RFX2: variants seen among roughly 807,000 people sequenced by gnomAD.
RFX2 encodes the protein DNA-binding protein RFX2.
A neutral mutation model predicts 87.8 loss-of-function variants in RFX2; 20 were observed. The observed-to-expected ratio is 0.23, with a 90% CI of 0.16 to 0.33. RFX2 has a LOEUF of 0.33. Among genes scored for constraint, RFX2 ranks in the 10% least tolerant of loss-of-function variants. RFX2 has a pLI of 1.00. For missense variants in RFX2, 767 were observed against 1,012.3 expected (o/e 0.76, Z 3.29); for synonymous variants, 397 against 431.3 (o/e 0.92, Z 0.98).
chr19:6,106,607 C>A (rs1030481626), intron 1 of RFX2, among the ~76,000 whole-genome samples: 3 of 151,962 alleles, frequency 2.0e-5, no homozygotes, highest in African/African-American at 7.3e-5. Context: ...ATGCCCTGGA[C>A]CCATAGTTTC....
At position 6,023,660 on chromosome 19, in the gene RFX2, G is replaced by A. The variant is rs1416437823; in HGVS notation, c.597+2503C>T. On this transcript the variant is annotated intron_variant, in intron 6 of 17. Coordinates refer to ENST00000303657, the MANE Select transcript of RFX2 (RefSeq NM_000635.4). The surrounding 1 kb of genome is among the most constrained non-coding windows in gnomAD (Gnocchi z 4.9). ...ACGAGAGATTTTACCTTCAGCTCGG[G>A]AATACGAATCTTCATCGGGGAAGCG... Among the ~76,000 whole-genome samples, 3 of 152,206 alleles carry A rather than the reference G, an allele frequency of 2.0e-5. No individual in the cohort carries two copies. The highest frequency in any genetic ancestry group is 4.4e-5 in the Non-Finnish European group (3 of 68,038).
chr19:6,104,289 G>C (rs550244252), intron 1 of RFX2, among the ~76,000 whole-genome samples: 41 of 152,102 alleles, frequency 2.7e-4, no homozygotes, highest in African/African-American at 9.9e-4. Flanking sequence ...AATTTTTTTG[G>C]CCGGGTGCGG....
intron 1 of RFX2, among the ~76,000 whole-genome samples, chr19:6,078,542 A>G (rs762164095): frequency 6.6e-6 from 1 of 152,194 alleles, no homozygotes; most frequent in African/African-American, 2.4e-5. Context: ...CCTGGCACAC[A>G]GTAGGCTCTC....
At position 6,074,594 on chromosome 19, in the gene RFX2, G is replaced by A. The variant is rs926577058; in HGVS notation, c.-8-27090C>T. 1.3e-5 allele frequency among the ~76,000 whole-genome samples: 2 copies of A among 152,230 alleles called. No individual in the cohort carries two copies. Among genetic ancestry groups the A allele is most frequent in the Non-Finnish European group, 2.9e-5 (2 of 68,042 alleles). The stretch of plus-strand genomic sequence containing the variant: ...AAACAGATTGAGTCCCTGACCATGT[G>A]GGGCTGACCCCTCAGGGAGAGACAG... On this transcript the variant is annotated intron_variant, in intron 1 of 17. Transcript: ENST00000303657. This position sits in a 1 kb window ranked among gnomAD's most constrained non-coding sequence, Gnocchi z 5.2.
In RFX2 at chr19:6,045,693, C is replaced by T. The variant is rs376380143; in HGVS notation, c.91-1411G>A. On this transcript the variant is annotated intron_variant, in intron 2 of 17. Coordinates refer to ENST00000303657, the MANE Select transcript of RFX2 (RefSeq NM_000635.4). This position sits in a 1 kb window ranked among gnomAD's most constrained non-coding sequence, Gnocchi z 5.2. ...TTTTGTTTTTTTGTGTTTTTTGGGACGGATTTTTGCTCTTGTCGCCCAGGC... is the reference window on the plus strand; with the variant it reads ...TTTTGTTTTTTTGTGTTTTTTGGGATGGATTTTTGCTCTTGTCGCCCAGGC... Among the ~76,000 whole-genome samples, 9 of 151,558 alleles carry T rather than the reference C, an allele frequency of 5.9e-5. No homozygotes were observed. Among genetic ancestry groups the T allele is most frequent in the South Asian group, 4.2e-4 (2 of 4,810 alleles).
intron 1 of RFX2, among the ~76,000 whole-genome samples, chr19:6,071,260 A>C (rs2087602370): frequency 1.3e-5 from 2 of 152,358 alleles, no homozygotes; most frequent in South Asian, 4.1e-4. Flanking sequence ...CAAATGAGTG[A>C]GGCCAGGAAT....
In RFX2 at chr19:6,074,137, G is replaced by A. The variant is rs538591598; in HGVS notation, c.-8-26633C>T. On this transcript the variant is annotated intron_variant, in intron 1 of 17. Transcript: ENST00000303657. This position sits in a 1 kb window ranked among gnomAD's most constrained non-coding sequence, Gnocchi z 5.2. ...TCGGGAAGATGGAAAATGAATGAAG[G>A]GCAGCTCTGCCCAAAGCGGCGGACC... Among the ~76,000 whole-genome samples, 3 of 152,298 alleles carry A rather than the reference G, an allele frequency of 2.0e-5. No individual in the cohort carries two copies. Among genetic ancestry groups the A allele is most frequent in the Admixed American group, 2.0e-4 (3 of 15,300 alleles).
intron 5 of RFX2, among the ~76,000 whole-genome samples, chr19:6,035,850 G>GTGTGTGTGTGTGT (rs1555776253): frequency 1.3e-3 from 183 of 137,248 alleles, no homozygotes; most frequent in Non-Finnish European, 2.2e-3. Flanking sequence ...CTTGGTGGGG[G>GTGTGTGTGTGTGT]GTGTGTGTGT....
At chr19:6,073,624 T>A (rs1035766963) in intron 1 of RFX2, 1 of 273,284 alleles carries the variant, frequency 3.7e-6, no homozygotes, top group Non-Finnish European at 6.9e-6. Context: ...AATATTTCCA[T>A]CCAAATGGAA....
intron 5 of RFX2, among the ~76,000 whole-genome samples, chr19:6,031,901 G>A (rs915128076): frequency 3.3e-5 from 5 of 151,998 alleles, no homozygotes; most frequent in African/African-American, 1.2e-4. Context: ...TCATTCTGGA[G>A]CTAGAAGTGG....
chr19:6,018,115 A>C (rs1231009160), intron 6 of RFX2, among the ~76,000 whole-genome samples: 1 of 151,970 alleles, frequency 6.6e-6, no homozygotes, highest in Non-Finnish European at 1.5e-5. Context: ...AGCTGGCATT[A>C]TAGGCATGCA....
In RFX2 at chr19:6,016,282, A is replaced by G; in HGVS notation, c.598-11T>C. 6.3e-7 allele frequency: 1 copy of G among 1,587,904 alleles called. No homozygotes were observed. Among genetic ancestry groups the G allele is most frequent in the African/African-American group, 1.3e-5 (1 of 74,220 alleles). On this transcript the variant is annotated splice_polypyrimidine_tract_variant and intron_variant, in intron 6 of 17. Transcript: ENST00000303657. This position sits in a 1 kb window ranked among gnomAD's most constrained non-coding sequence, Gnocchi z 5.4. ...CAACAGCCACTGGAGCTGTAAAAAG[A>G]AAGACACGTCTGCGTTTGTCAGAAG...
In RFX2 at chr19:6,055,591, T is replaced by G. The variant is rs1238383988; in HGVS notation, c.-8-8087A>C. Among the ~76,000 whole-genome samples the G allele has an allele frequency of 3.9e-5, 6 of 152,122 alleles. No homozygotes were observed. The East Asian group carries it at 1.2e-3, about 29-fold the overall frequency. On this transcript the variant is annotated intron_variant, in intron 1 of 17. Coordinates refer to ENST00000303657, the MANE Select transcript of RFX2 (RefSeq NM_000635.4). ...GGCACGCAGCACCATACCCGGCTAA[T>G]TTTTGTATTTTGGGTAGAGACAGGG...
At chr19:6,076,671 G>A (rs1004165704) in intron 1 of RFX2, among the ~76,000 whole-genome samples, 5 of 152,178 alleles carry the variant, frequency 3.3e-5, no homozygotes, top group East Asian at 1.9e-4. Flanking sequence ...GTTCATTAGC[G>A]TCATCGTTGT....
chr19:6,024,853 G>A lies in RFX2; in HGVS notation c.597+1310C>T, dbSNP rs971834207. Reference sequence around the variant, plus strand: ...TCACGGTGAGGACGGGAGTGAGGACGGGATCACGGTGAGGACGGGAGTGAG... The same window carrying A: ...TCACGGTGAGGACGGGAGTGAGGACAGGATCACGGTGAGGACGGGAGTGAG... On this transcript the variant is annotated intron_variant, in intron 6 of 17. Transcript: ENST00000303657. This position sits in a 1 kb window ranked among gnomAD's most constrained non-coding sequence, Gnocchi z 5.0. Among the ~76,000 whole-genome samples, 3 of 135,254 alleles carry A rather than the reference G, an allele frequency of 2.2e-5. No individual in the cohort carries two copies. Among genetic ancestry groups the A allele is most frequent in the South Asian group, 2.7e-4 (1 of 3,700 alleles). The allele number at this position is 135,254 out of a possible 152,430, so 88.7% of individuals were successfully genotyped here.
At position 6,045,019 on chromosome 19, in the gene RFX2, T is replaced by A. The variant is rs146375120; in HGVS notation, c.91-737A>T. On this transcript the variant is annotated intron_variant, in intron 2 of 17. Coordinates refer to ENST00000303657, the MANE Select transcript of RFX2 (RefSeq NM_000635.4). The surrounding 1 kb of genome is among the most constrained non-coding windows in gnomAD (Gnocchi z 5.2). ...ACTCGAGTCGAGGGAGGAACAGGAG[T>A]GTTTTGTGTGTTTATTGAGAGCTGG... Among the ~76,000 whole-genome samples, 1,074 of 150,708 alleles carry A rather than the reference T, an allele frequency of 7.1e-3. 10 individuals carry two copies. Among genetic ancestry groups the A allele is most frequent in the African/African-American group, 0.025 (1,027 of 40,938 alleles).
intron 5 of RFX2, among the ~76,000 whole-genome samples, chr19:6,037,657 T>C (rs1390091265): frequency 6.6e-6 from 1 of 152,194 alleles, no homozygotes; most frequent in African/African-American, 2.4e-5. Flanking sequence ...TAGATATAGA[T>C]AAATTGATCT....
rs529756609 is a variant in RFX2, at chr19:6,022,192, C to T, written c.597+3971G>A. ...CACGCACTGAGCTAAGACACTAATC[C>T]GAGGCAGGCAGGAATTCCAAGGGAA... On this transcript the variant is annotated intron_variant, in intron 6 of 17. Coordinates refer to ENST00000303657, the MANE Select transcript of RFX2 (RefSeq NM_000635.4). The surrounding 1 kb of genome is among the most constrained non-coding windows in gnomAD (Gnocchi z 6.2). Among the ~76,000 whole-genome samples the T allele has an allele frequency of 8.5e-5, 13 of 152,214 alleles. No individual in the cohort carries two copies. The East Asian group carries it at 2.1e-3, about 25-fold the overall frequency.
chr19:6,008,106 C>T lies in RFX2; in HGVS notation c.1134G>A (p.Glu378=). ...ALQLVYRRHC[E]ATVDVVMNLQ... ...TGCCTGCCTGGGCTGGGGCGGTCAC[C>T]TCGCAGTGCCGTCTGTACACCAGCT... Residue 378 remains glutamate, a splice_region_variant and synonymous_variant, in exon 10 of 18, where the codon GAG becomes GAA. Transcript: ENST00000303657. The T allele has an allele frequency of 6.5e-7, 1 of 1,549,616 alleles. No homozygotes were observed. The highest frequency in any genetic ancestry group is 8.7e-7 in the Non-Finnish European group (1 of 1,145,698).
Sources: allele counts gnomAD v4.1 joint callset (sites outside exome capture counted in the v4.1 genomes callset), GRCh38; gene constraint gnomAD v4.1.1; non-coding constraint Gnocchi (gnomAD v3.1); transcripts MANE v1.5; gene names NCBI Gene and HGNC (gene_info 2026-07-23, HGNC 2026-07-21).